Variants in LNPK observed in about 807,000 individuals in gnomAD.
LNPK encodes lunapark, ER junction formation factor, also known as endoplasmic reticulum junction formation protein lunapark.
LNPK carries 29 observed loss-of-function variants against 55.2 expected under a neutral mutation model. That is an observed-to-expected ratio of 0.53 (90% CI 0.39 to 0.72). The LOEUF (loss-of-function observed/expected upper bound fraction) is 0.72, where lower values mean the gene tolerates loss of function less well. Among genes scored for constraint, LNPK ranks in the 30% least tolerant of loss-of-function variants. The pLI, the probability that LNPK is intolerant of heterozygous loss-of-function variation, is 0.00. For missense variants in LNPK, 467 were observed against 494.8 expected (o/e 0.94, Z 0.53); for synonymous variants, 162 against 168.2 (o/e 0.96, Z 0.29).
intron 12 of LNPK, 147 bp from the exon 13 acceptor site, chr2:175,930,346 T>G: frequency 1.5e-6 from 1 of 655,570 alleles, no homozygotes; most frequent in East Asian, 2.7e-5. Context: ...TCTAACATTA[T>G]CCTTAAAATC....
chr2:175,935,826 T>C, intron 12 of LNPK: 2 of 526,498 alleles, frequency 3.8e-6, no homozygotes, highest in Non-Finnish European at 4.9e-6. Context: ...TAGCTGGGTG[T>C]TGTTTGCTAA....
chr2:175,964,090 T>C (rs567001350), intron 8 of LNPK, among the ~76,000 whole-genome samples: 82 of 152,256 alleles, frequency 5.4e-4, no homozygotes, highest in African/African-American at 2.0e-3. Flanking sequence ...GTGGGAAATA[T>C]TTACAAAATA....
chr2:175,962,402 C>T (rs932453676), intron 8 of LNPK, among the ~76,000 whole-genome samples: 5 of 152,126 alleles, frequency 3.3e-5, no homozygotes, highest in Non-Finnish European at 5.9e-5. Context: ...TAACACCACA[C>T]ATCTACAACC....
At chr2:175,987,056 C>G (rs1687451673) in intron 4 of LNPK, among the ~76,000 whole-genome samples, 1 of 150,606 alleles carries the variant, frequency 6.6e-6, no homozygotes, top group Non-Finnish European at 1.5e-5. Context: ...CTTGGAAGCT[C>G]TCAAAGAATC....
At chr2:175,951,428 C>T (rs1026046698) in intron 8 of LNPK, among the ~76,000 whole-genome samples, 4 of 151,712 alleles carry the variant, frequency 2.6e-5, no homozygotes, top group Admixed American at 2.6e-4. Flanking sequence ...CCTTTGCACC[C>T]TCACAGCTTA....
chr2:175,996,818 C>A (rs1687955724), intron 1 of LNPK, among the ~76,000 whole-genome samples: 1 of 152,128 alleles, frequency 6.6e-6, no homozygotes, highest in Non-Finnish European at 1.5e-5. Context: ...ATAGACTCAA[C>A]AATATTATAT....
At chr2:175,982,827 A>G (rs1288122670) in intron 4 of LNPK, among the ~76,000 whole-genome samples, 1 of 152,206 alleles carries the variant, frequency 6.6e-6, no homozygotes, top group Non-Finnish European at 1.5e-5. Flanking sequence ...ATATTTTGTG[A>G]AGATATTGAC....
intron 6 of LNPK, among the ~76,000 whole-genome samples, chr2:175,969,487 G>C (rs1271317344): frequency 6.6e-6 from 1 of 151,980 alleles, no homozygotes; most frequent in Non-Finnish European, 1.5e-5. Context: ...AGTGACATTG[G>C]GCTGCTTCTC....
At chr2:175,964,454 C>T (rs1434818164) in intron 7 of LNPK, 31 bp from the exon 8 acceptor site, 4 of 1,600,862 alleles carry the variant, frequency 2.5e-6, no homozygotes, top group Non-Finnish European at 3.4e-6. Flanking sequence ...ATTACAGTGA[C>T]CTATTACAAT....
At chr2:175,932,503 C>T (rs1381314778) in intron 12 of LNPK, among the ~76,000 whole-genome samples, 1 of 152,100 alleles carries the variant, frequency 6.6e-6, no homozygotes, top group Admixed American at 6.5e-5. Flanking sequence ...GATTAAGTTT[C>T]TTCCCCTGGG....
chr2:175,984,144 G>GA (rs1178841361), intron 4 of LNPK, among the ~76,000 whole-genome samples: 2 of 150,210 alleles, frequency 1.3e-5, no homozygotes, highest in Non-Finnish European at 3.0e-5. Flanking sequence ...AGATTAGGGG[G>GA]AAAAAAAGCT....
Position 176,002,141 on chromosome 2 carries a change from C to A in LNPK, c.-63+19G>T. ...CCGCTGCAGAGCCCTCCCAACTGCCCTCGCCTTGAGCGTTCTACCTGCAAG... is the reference window on the plus strand; with the variant it reads ...CCGCTGCAGAGCCCTCCCAACTGCCATCGCCTTGAGCGTTCTACCTGCAAG... On this transcript the variant is annotated intron_variant, in intron 1 of 12. Coordinates refer to ENST00000272748, the MANE Select transcript of LNPK (RefSeq NM_030650.3). 2.3e-6 allele frequency: 1 copy of A among 435,882 alleles called. No homozygotes were observed. The highest frequency in any genetic ancestry group is 2.6e-5 in the Admixed American group (1 of 39,136). 27.0% of individuals were successfully genotyped at this position (435,882 alleles called of 1,614,324 possible).
At chr2:175,960,313 A>C (rs770382948) in intron 8 of LNPK, among the ~76,000 whole-genome samples, 2 of 152,174 alleles carry the variant, frequency 1.3e-5, no homozygotes, top group Non-Finnish European at 2.9e-5. Flanking sequence ...TTGGAAATAA[A>C]GCACTCCTCA....
intron 8 of LNPK, among the ~76,000 whole-genome samples, chr2:175,956,759 C>T (rs1299331707): frequency 6.6e-6 from 1 of 152,118 alleles, no homozygotes. Context: ...TCATAATCGT[C>T]TTAAATTCCA....
rs182874160 is a variant in LNPK at position 175,955,963 on chromosome 2, A to C, written c.494-8271T>G. On this transcript the variant is annotated intron_variant, in intron 8 of 12. Coordinates refer to ENST00000272748, the MANE Select transcript of LNPK (RefSeq NM_030650.3). ...GAAAATGTATAGGTGGTGTCCTCCT[A>C]GAAAACAATAGGAGGGTCAGTTAAG... Among the ~76,000 whole-genome samples, 10 of 152,274 alleles carry C rather than the reference A, an allele frequency of 6.6e-5. No individual in the cohort carries two copies. The East Asian group carries it at 1.9e-3, about 29-fold the overall frequency.
chr2:175,990,591 G>T (rs781755493), intron 4 of LNPK, among the ~76,000 whole-genome samples: 1 of 152,054 alleles, frequency 6.6e-6, no homozygotes, highest in Non-Finnish European at 1.5e-5. Context: ...CACACAAAAG[G>T]CAAAAACTCA....
At chr2:175,932,207 G>C (rs537587748) in intron 12 of LNPK, 1 of 454,310 alleles carries the variant, frequency 2.2e-6, no homozygotes, top group South Asian at 1.6e-5. Flanking sequence ...TCATATTAAA[G>C]TTTTGTGATG....
Position 175,929,580 on chromosome 2 carries a change from T to C in LNPK, c.*387A>G. The C allele has an allele frequency of 3.0e-6, 3 of 999,002 alleles. No individual in the cohort carries two copies. Among genetic ancestry groups the C allele is most frequent in the Non-Finnish European group, 3.6e-6 (3 of 838,578 alleles). The allele number at this position is 999,002 out of a possible 1,614,324, so 61.9% of individuals were successfully genotyped here. A position where few individuals can be genotyped will look rare whatever the true frequency, so the allele number is the denominator to read the frequency against. On this transcript the variant is annotated 3_prime_UTR_variant, in exon 13 of 13. Transcript: ENST00000272748. Reference sequence around the variant, plus strand: ...TAGTCAAAATCTTAACCAAGTTTCATTCCTTAAAACAAACACAATTAGAGA... The same window carrying C: ...TAGTCAAAATCTTAACCAAGTTTCACTCCTTAAAACAAACACAATTAGAGA...
In LNPK at chr2:175,937,502, G is replaced by T. The variant is rs759257720; in HGVS notation, c.896C>A (p.Ala299Asp). ...EEFEYIAFRC[A>D]YCFFLNPARK... is the part of the protein sequence containing the mutation. ...TGCAGGGTTCAAGAAAAAACAGTAG[G>T]CACATCGAAAAGCTGCAGAGAATTT... is the stretch of plus-strand genomic sequence containing the variant. Residue 299 changes from alanine (A) to aspartate (D), a missense_variant, in exon 12 of 13, where the codon GCC (alanine) becomes GAC (aspartate). Coordinates refer to ENST00000272748, the MANE Select transcript of LNPK (RefSeq NM_030650.3). The T allele has an allele frequency of 2.5e-6, 4 of 1,609,294 alleles. No individual in the cohort carries two copies. The South Asian group carries it at 4.4e-5, about 18-fold the overall frequency.
Sources: allele counts gnomAD v4.1 joint callset (sites outside exome capture counted in the v4.1 genomes callset), GRCh38; gene constraint gnomAD v4.1.1; transcripts MANE v1.5; gene names NCBI Gene and HGNC (gene_info 2026-07-23, HGNC 2026-07-21).